Variants in LOXHD1 observed in about 807,000 individuals in gnomAD.
LOXHD1 encodes lipoxygenase homology PLAT domains 1.
LOXHD1 carries 205 observed loss-of-function variants against 248.2 expected under a neutral mutation model. That is an observed-to-expected ratio of 0.83 (90% CI 0.74 to 0.93). The LOEUF (loss-of-function observed/expected upper bound fraction) is 0.93, where lower values mean the gene tolerates loss of function less well. LOXHD1 is among the 40% of genes least tolerant of loss of function. LOXHD1 has a pLI of 0.00. For synonymous variants in LOXHD1, 1,113 were observed against 1,162.8 expected (o/e 0.96, Z 0.87); for missense variants, 2,930 against 2,971.6 (o/e 0.99, Z 0.33).
chr18:46,477,438 G>A lies in LOXHD1; in HGVS notation c.*34C>T, dbSNP rs1374196354. ...GTGGAGGGCAGAAATGTGAGATTGG[G>A]GCATCTCAGTGAGAGGGTGGGGGCC... On this transcript the variant is annotated 3_prime_UTR_variant, in exon 41 of 41. Transcript: ENST00000642948. 1.4e-5 allele frequency: 22 copies of A among 1,536,716 alleles called. No individual in the cohort carries two copies. The highest frequency in any genetic ancestry group is 1.8e-5 in the Non-Finnish European group (21 of 1,138,088).
intron 14 of LOXHD1, among the ~76,000 whole-genome samples, chr18:46,574,408 C>CAT (rs1568195047): frequency 6.6e-6 from 1 of 150,890 alleles, no homozygotes; most frequent in Non-Finnish European, 1.5e-5. Flanking sequence ...CACACACACA[C>CAT]ACACACACAC....
chr18:46,623,881 G>A (rs2038702767), intron 4 of LOXHD1, among the ~76,000 whole-genome samples: 1 of 152,248 alleles, frequency 6.6e-6, no homozygotes, highest in Non-Finnish European at 1.5e-5. Flanking sequence ...CCCCTAATTC[G>A]GTGCTGCATG....
chr18:46,588,516 T>G (rs1369340097), intron 12 of LOXHD1, among the ~76,000 whole-genome samples: 1 of 152,190 alleles, frequency 6.6e-6, no homozygotes, highest in Admixed American at 6.5e-5. Flanking sequence ...GTAGAGATGC[T>G]CTTCCTTGCC....
At chr18:46,489,779 A>G (rs2033333712) in intron 37 of LOXHD1, among the ~76,000 whole-genome samples, 1 of 152,250 alleles carries the variant, frequency 6.6e-6, no homozygotes, top group Non-Finnish European at 1.5e-5. Context: ...GAGCTCTTGA[A>G]GGCAGGGAGT....
At chr18:46,615,003 C>T (rs1036468672) in intron 5 of LOXHD1, among the ~76,000 whole-genome samples, 5 of 152,144 alleles carry the variant, frequency 3.3e-5, no homozygotes, top group African/African-American at 1.2e-4. Flanking sequence ...GATTACAGAT[C>T]TCCTTGGAAT....
In LOXHD1 at chr18:46,541,873, C is replaced by T. The variant is rs1031241585; in HGVS notation, c.3816G>A (p.Thr1272=). 47 of 1,551,612 alleles carry T rather than the reference C, an allele frequency of 3.0e-5. No homozygotes were observed. Among genetic ancestry groups the T allele is most frequent in the Admixed American group, 2.9e-4 (15 of 50,988 alleles). Reference sequence around the variant, plus strand: ...TGGCCAGCCAGCGGCCACAGGGAAACGTCATGCACTTCCCAAGAGATGGGG... The same window carrying T: ...TGGCCAGCCAGCGGCCACAGGGAAATGTCATGCACTTCCCAAGAGATGGGG... The part of the protein sequence containing the change: ...VDAPSLGKCM[T]FPCGRWLAKN... The change falls in exon 25 of 41, where the codon ACG becomes ACA. Residue 1272 remains threonine (T), a synonymous_variant. Coordinates refer to ENST00000642948, the MANE Select transcript of LOXHD1 (RefSeq NM_001384474.1).
chr18:46,521,382 G>T, intron 32 of LOXHD1, 100 bp from the exon 33 acceptor site: 1 of 1,351,342 alleles, frequency 7.4e-7, no homozygotes, highest in Non-Finnish European at 1.0e-6. Flanking sequence ...CCAGTATGCT[G>T]TGCACTTGCT....
Position 46,524,687 on chromosome 18 carries a change from C to T in LOXHD1, c.4740+21G>A, listed in dbSNP as rs12604163. ...CCTAGGCATGAGGATGGCCACAGGCCCTATATACCCCTTGGCTCACCTTCT... is the reference window on the plus strand; with the variant it reads ...CCTAGGCATGAGGATGGCCACAGGCTCTATATACCCCTTGGCTCACCTTCT... On this transcript the variant is annotated intron_variant, in intron 30 of 40. Coordinates refer to ENST00000642948, the MANE Select transcript of LOXHD1 (RefSeq NM_001384474.1). 142,049 of 1,551,564 alleles carry T rather than the reference C, an allele frequency of 0.092. 7,016 individuals carry two copies. The highest frequency in any genetic ancestry group is 0.1 in the Non-Finnish European group (117,233 of 1,146,892).
chr18:46,571,115 C>G (rs948431980), intron 15 of LOXHD1, among the ~76,000 whole-genome samples: 2 of 152,136 alleles, frequency 1.3e-5, no homozygotes, highest in African/African-American at 2.4e-5. Context: ...ATTCTGAGAC[C>G]AGAAATGGGA....
At chr18:46,506,157 G>C in intron 36 of LOXHD1, 134 bp from the exon 37 acceptor site, 1 of 880,184 alleles carries the variant, frequency 1.1e-6, no homozygotes, top group Non-Finnish European at 1.7e-6. Context: ...AGAAGGCCAG[G>C]GGTGAGGTTG....
intron 37 of LOXHD1, 77 bp from the exon 38 acceptor site, chr18:46,489,219 C>T (rs1337645125): frequency 6.8e-7 from 1 of 1,460,830 alleles, no homozygotes; most frequent in Non-Finnish European, 9.4e-7. Flanking sequence ...TCCCCACAAC[C>T]CATTGGCTGT....
At chr18:46,579,540 A>G (rs2037922037) in intron 13 of LOXHD1, 90 bp downstream of exon 13, 1 of 1,508,412 alleles carries the variant, frequency 6.6e-7, no homozygotes, top group African/African-American at 1.4e-5. Flanking sequence ...GACCAGCATC[A>G]GCTCAACTTT....
chr18:46,496,675 C>T (rs2033890867), intron 37 of LOXHD1, among the ~76,000 whole-genome samples: 2 of 152,210 alleles, frequency 1.3e-5, no homozygotes, highest in African/African-American at 2.4e-5. Flanking sequence ...TCTCCCTCCC[C>T]TGAACCTAGT....
intron 21 of LOXHD1, 70 bp from the exon 22 acceptor site, chr18:46,547,128 T>G: frequency 6.6e-7 from 1 of 1,519,502 alleles, no homozygotes; most frequent in Non-Finnish European, 8.9e-7. Context: ...AGTCATGGGC[T>G]GAGAATGAGA....
At chr18:46,620,567 G>A (rs1057344190) in intron 4 of LOXHD1, among the ~76,000 whole-genome samples, 5 of 152,232 alleles carry the variant, frequency 3.3e-5, no homozygotes, top group African/African-American at 1.2e-4. Flanking sequence ...CCAAAGGAAA[G>A]ATTTTGTAGT....
At chr18:46,529,961 AATT>A (rs1443233203) in intron 28 of LOXHD1, among the ~76,000 whole-genome samples, 1 of 152,116 alleles carries the variant, frequency 6.6e-6, no homozygotes, top group East Asian at 1.9e-4. Flanking sequence ...TGGGTGTGAC[AATT>A]ATTAAAAATT....
intron 35 of LOXHD1, 37 bp from the exon 36 acceptor site, chr18:46,507,749 C>T: frequency 6.5e-7 from 1 of 1,527,872 alleles, no homozygotes; most frequent in Non-Finnish European, 8.8e-7. Context: ...ATGCCCTGTC[C>T]TCCCTCACCT....
chr18:46,519,211 C>T (rs1184167229), intron 33 of LOXHD1: 1 of 497,710 alleles, frequency 2.0e-6, no homozygotes, highest in Non-Finnish European at 2.6e-6. Flanking sequence ...TCAGGAGAGG[C>T]TCAGACACAC....
At chr18:46,611,055 G>T (rs776854719) in intron 5 of LOXHD1, 131 bp from the exon 6 acceptor site, 4 of 1,040,228 alleles carry the variant, frequency 3.8e-6, no homozygotes, top group Non-Finnish European at 5.5e-6. Context: ...AGATCTAAGG[G>T]CTCCTTACAT....
Sources: allele counts gnomAD v4.1 joint callset (sites outside exome capture counted in the v4.1 genomes callset), GRCh38; gene constraint gnomAD v4.1.1; transcripts MANE v1.5; gene names NCBI Gene and HGNC (gene_info 2026-07-23, HGNC 2026-07-21).